PLD5: variants seen among roughly 807,000 people sequenced by gnomAD.
The protein encoded by PLD5 is phospholipase D family member 5.
In PLD5, 36 loss-of-function variants were observed where a neutral mutation model predicts 61.1. That is an observed-to-expected ratio of 0.59 (90% confidence interval 0.45 to 0.78). PLD5 has a LOEUF of 0.78. PLD5 is among the 30% of genes least tolerant of loss of function. The pLI is 0.00. For missense variants in PLD5, 515 were observed against 644.4 expected (o/e 0.80, Z 2.17); for synonymous variants, 243 against 242.8 (o/e 1.00, Z -0.01).
chr1:242,265,285 G>C, intron 4 of PLD5, 52 bp downstream of exon 4: 1 of 1,567,084 alleles, frequency 6.4e-7, no homozygotes, highest in South Asian at 1.3e-5. Context: ...GAAATTAAAG[G>C]TATCTTAACA....
upstream of PLD5, chr1:242,524,788 A>C (rs988591954): frequency 6.8e-6 from 1 of 147,156 alleles, no homozygotes; most frequent in Non-Finnish European, 1.5e-5. Flanking sequence ...CCGCGCCTGC[A>C]GGTTGGTGCA....
intron 1 of PLD5, among the ~76,000 whole-genome samples, chr1:242,478,142 A>G (rs1667656377): frequency 6.6e-6 from 1 of 152,216 alleles, no homozygotes; most frequent in Non-Finnish European, 1.5e-5. Context: ...ACACTGCCAA[A>G]TGGAACATGA....
intron 1 of PLD5, among the ~76,000 whole-genome samples, chr1:242,449,757 G>A (rs1226080197): frequency 2.6e-5 from 4 of 152,176 alleles, no homozygotes; most frequent in African/African-American, 9.7e-5. Context: ...GGGGAGGCAG[G>A]CACCGTGCTG....
At chr1:242,157,251 G>T (rs560358230) in intron 5 of PLD5, among the ~76,000 whole-genome samples, 1 of 152,052 alleles carries the variant, frequency 6.6e-6, no homozygotes, top group Non-Finnish European at 1.5e-5. Flanking sequence ...TTAGCAATTC[G>T]TCTAACCTTT....
intron 5 of PLD5, among the ~76,000 whole-genome samples, chr1:242,143,950 C>T (rs1469366125): frequency 1.3e-5 from 2 of 150,072 alleles, no homozygotes; most frequent in Non-Finnish European, 3.0e-5. Context: ...AAGCGATTCT[C>T]ATGCCTCAGC....
At chr1:242,246,750 T>G (rs1350211349) in intron 4 of PLD5, among the ~76,000 whole-genome samples, 1 of 152,176 alleles carries the variant, frequency 6.6e-6, no homozygotes, top group Non-Finnish European at 1.5e-5. Context: ...AGAGGTTTAT[T>G]CTGAGCCAAT....
rs1221764583 is a variant in PLD5, at chr1:242,256,950, T to C, written c.607+8387A>G. On this transcript the variant is annotated intron_variant, in intron 4 of 9. Coordinates refer to ENST00000536534, the MANE Select transcript of PLD5 (RefSeq NM_001372062.1). The surrounding 1 kb of genome is among the most constrained non-coding windows in gnomAD (Gnocchi z 5.7). Reference sequence around the variant, plus strand: ...ATCTATCTAATCTATCTCTACCTACTGTCTTCTATCTATATCTATCTACCT... The same window carrying C: ...ATCTATCTAATCTATCTCTACCTACCGTCTTCTATCTATATCTATCTACCT... Among the ~76,000 whole-genome samples, 1 of 151,958 alleles carries C rather than the reference T, an allele frequency of 6.6e-6. No individual in the cohort carries two copies. The highest frequency in any genetic ancestry group is 1.5e-5 in the Non-Finnish European group (1 of 67,992).
chr1:242,520,515 C>T (rs886073329), intron 1 of PLD5, among the ~76,000 whole-genome samples: 7 of 152,076 alleles, frequency 4.6e-5, no homozygotes, highest in African/African-American at 1.7e-4. Context: ...AACCCAGATC[C>T]CTCTTACCAG....
chr1:242,529,691 C>T (rs73148038), upstream of PLD5, among the ~76,000 whole-genome samples: 7,521 of 152,084 alleles, frequency 0.049, 618 homozygotes, highest in African/African-American at 0.17. Context: ...GCCCCCAGAG[C>T]GAGATCCTGG....
Position 242,504,326 on chromosome 1 carries a change from C to T in PLD5, c.189+19762G>A, listed in dbSNP as rs553466632. Among the ~76,000 whole-genome samples, 74 of 152,102 alleles carry T rather than the reference C, an allele frequency of 4.9e-4. 1 individual carries two copies. Among genetic ancestry groups the T allele is most frequent in the Non-Finnish European group, 6.8e-4 (46 of 68,028 alleles). ...GTCTTCAAATGATTCAGTCCTGGGG[C>T]TTTCTTAAGTAAAAAATAGACTAAT... On this transcript the variant is annotated intron_variant, in intron 1 of 9. Coordinates refer to ENST00000536534, the MANE Select transcript of PLD5 (RefSeq NM_001372062.1).
chr1:242,225,576 G>A (rs895238487), intron 4 of PLD5, among the ~76,000 whole-genome samples: 4 of 151,138 alleles, frequency 2.6e-5, no homozygotes, highest in Non-Finnish European at 5.9e-5. Flanking sequence ...CACACATAAC[G>A]CATGTGAGAC....
chr1:242,157,971 A>G (rs913763738), intron 5 of PLD5, among the ~76,000 whole-genome samples: 2 of 151,946 alleles, frequency 1.3e-5, no homozygotes, highest in African/African-American at 4.8e-5. Context: ...TAAGTTCCTG[A>G]CTGGGACTGT....
At position 242,360,614 on chromosome 1, in the gene PLD5, T is replaced by G. The variant is rs575518710; in HGVS notation, c.190-12372A>C. On this transcript the variant is annotated intron_variant, in intron 1 of 9. Coordinates refer to ENST00000536534, the MANE Select transcript of PLD5 (RefSeq NM_001372062.1). Reference sequence around the variant, plus strand: ...ATCTGCCTATCTAACAACGATAAAATTGTATCATGCTGTAATTAAGGTTTA... The same window carrying G: ...ATCTGCCTATCTAACAACGATAAAAGTGTATCATGCTGTAATTAAGGTTTA... Among the ~76,000 whole-genome samples, 8 of 152,248 alleles carry G rather than the reference T, an allele frequency of 5.3e-5. No homozygotes were observed. The East Asian group carries it at 1.5e-3, about 29-fold the overall frequency.
chr1:242,328,303 CATATATATGTTCT>C (rs1658930541), intron 2 of PLD5, among the ~76,000 whole-genome samples: 1 of 13,228 alleles, frequency 7.6e-5, no homozygotes, highest in African/African-American at 8.9e-5. Context: ...GTATGTTCTA[CATATATATGTTCT>C]ACATATATGT....
intron 5 of PLD5, among the ~76,000 whole-genome samples, chr1:242,170,674 AT>A (rs2148875042): frequency 6.6e-6 from 1 of 152,292 alleles, no homozygotes; most frequent in East Asian, 1.9e-4. Flanking sequence ...GGTTAGACAA[AT>A]TGGTAACTAG....
chr1:242,378,905 A>G (rs897451749), intron 1 of PLD5, among the ~76,000 whole-genome samples: 1 of 152,130 alleles, frequency 6.6e-6, no homozygotes, highest in Non-Finnish European at 1.5e-5. Flanking sequence ...AAAACAACCA[A>G]CAACTGGAAG....
intron 8 of PLD5, among the ~76,000 whole-genome samples, chr1:242,106,159 T>C (rs545023851): frequency 6.6e-6 from 1 of 152,358 alleles, no homozygotes; most frequent in Non-Finnish European, 1.5e-5. Flanking sequence ...TAATGGCAGT[T>C]TTCCTTGTGC....
chr1:242,181,043 G>T (rs538810823), intron 5 of PLD5, among the ~76,000 whole-genome samples: 4 of 152,072 alleles, frequency 2.6e-5, no homozygotes, highest in Non-Finnish European at 5.9e-5. Context: ...AATTTCCCAG[G>T]TGGTAAAGCA....
intron 4 of PLD5, among the ~76,000 whole-genome samples, chr1:242,246,671 A>G (rs1485893812): frequency 6.6e-6 from 1 of 152,202 alleles, no homozygotes; most frequent in Non-Finnish European, 1.5e-5. Context: ...ACTTAGCAAC[A>G]TAATCTAAAG....
Sources: gnomAD v4.1 joint callset for allele counts (sites outside exome capture counted in the v4.1 genomes callset) on GRCh38, gnomAD v4.1.1 for gene constraint, Gnocchi (gnomAD v3.1) non-coding constraint, MANE v1.5 for transcripts, NCBI Gene and HGNC (gene_info 2026-07-23, HGNC 2026-07-21) for gene names.